Variants in TENM3 observed in about 807,000 individuals in gnomAD.
TENM3 encodes the protein teneurin transmembrane protein 3.
Under a neutral mutation model 255.1 loss-of-function variants are expected in TENM3, and 63 were observed. The ratio of observed to expected loss-of-function variants is 0.25; its 90% confidence interval spans 0.20 to 0.30. The LOEUF (loss-of-function observed/expected upper bound fraction) is 0.30. Among genes scored for constraint, TENM3 ranks in the 10% least tolerant of loss-of-function variants. The pLI, the probability that TENM3 is intolerant of heterozygous loss-of-function variation, is 1.00. For missense variants in TENM3, 2,929 were observed against 3,461.1 expected, an observed-to-expected ratio of 0.85 and a Z score of 3.86; for synonymous variants, 1,306 against 1,322.3, an observed-to-expected ratio of 0.99 and a Z score of 0.27.
At chr4:182,735,708 T>C (rs1761110685) in intron 16 of TENM3, among the ~76,000 whole-genome samples, 1 of 152,220 alleles carries the variant, frequency 6.6e-6, no homozygotes, top group Admixed American at 6.5e-5. Flanking sequence ...GCCTTGCACT[T>C]ACAGCCTATG....
the TENM3 span, among the ~76,000 whole-genome samples, chr4:181,961,160 C>A: frequency 6.6e-6 from 1 of 151,696 alleles, no homozygotes; most frequent in Non-Finnish European, 1.5e-5. Flanking sequence ...TTGCTTAAAG[C>A]TACCTGATGC....
chr4:182,327,263 A>T (rs955534), intron 2 of TENM3, among the ~76,000 whole-genome samples: 70,330 of 151,918 alleles, frequency 0.46, 16,778 homozygotes, highest in Non-Finnish European at 0.52. Flanking sequence ...AAAAATATTC[A>T]TAGTAGCCAA....
intron 3 of TENM3, among the ~76,000 whole-genome samples, chr4:182,487,310 T>C (rs1185617787): frequency 6.6e-6 from 1 of 152,220 alleles, no homozygotes; most frequent in African/African-American, 2.4e-5. Context: ...GTTACTATTA[T>C]TTTGTGTACT....
At chr4:181,910,456 T>G in the TENM3 span, among the ~76,000 whole-genome samples, 1 of 151,378 alleles carries the variant, frequency 6.6e-6, no homozygotes, top group South Asian at 2.1e-4. Context: ...GAGAATCACT[T>G]GAACCTGGGA....
At chr4:182,344,201 G>A (rs1201657139) in intron 2 of TENM3, among the ~76,000 whole-genome samples, 2 of 152,156 alleles carry the variant, frequency 1.3e-5, no homozygotes, top group Non-Finnish European at 2.9e-5. Flanking sequence ...GACTTAAACA[G>A]AGCTAGTGAG....
At chr4:182,482,106 A>G (rs1360462490) in intron 3 of TENM3, among the ~76,000 whole-genome samples, 1 of 152,192 alleles carries the variant, frequency 6.6e-6, no homozygotes, top group African/African-American at 2.4e-5. Flanking sequence ...CACCAATTAT[A>G]CATTGAATTT....
chr4:182,246,126 T>C (rs1169348543), intron 1 of TENM3, among the ~76,000 whole-genome samples: 1 of 152,114 alleles, frequency 6.6e-6, no homozygotes, highest in Non-Finnish European at 1.5e-5. Flanking sequence ...CTATGTGTTT[T>C]CCTAAGTGGC....
At chr4:182,726,581 C>T (rs776915588) in intron 13 of TENM3, among the ~76,000 whole-genome samples, 2 of 152,114 alleles carry the variant, frequency 1.3e-5, no homozygotes, top group Non-Finnish European at 2.9e-5. Context: ...TGTTAGGTCA[C>T]CTGTACATTT....
At chr4:182,359,668 C>A (rs1239502842) in intron 3 of TENM3, among the ~76,000 whole-genome samples, 1 of 144,886 alleles carries the variant, frequency 6.9e-6, no homozygotes, top group Non-Finnish European at 1.5e-5. Context: ...TTCAAAAAAC[C>A]AGCTCCTGGA....
intron 1 of TENM3, among the ~76,000 whole-genome samples, chr4:182,264,551 A>ACTGTC (rs1226487380): frequency 6.6e-6 from 1 of 152,176 alleles, no homozygotes; most frequent in Non-Finnish European, 1.5e-5. Flanking sequence ...AAAGACAGAG[A>ACTGTC]CTGTCCTGTG....
chr4:182,682,956 A>C (rs1208220588), intron 11 of TENM3, among the ~76,000 whole-genome samples: 1 of 152,218 alleles, frequency 6.6e-6, no homozygotes, highest in Non-Finnish European at 1.5e-5. Flanking sequence ...TTCAGTGGAC[A>C]TTCAGAGGAG....
the TENM3 span, among the ~76,000 whole-genome samples, chr4:181,515,827 A>C: frequency 0.72 from 109,343 of 151,942 alleles, 39,705 homozygotes; most frequent in South Asian, 0.79. Flanking sequence ...AACATTTGAT[A>C]CAGCAATCCC....
intron 6 of TENM3, among the ~76,000 whole-genome samples, chr4:182,669,313 A>T (rs1755000139): frequency 6.6e-6 from 1 of 151,962 alleles, no homozygotes; most frequent in African/African-American, 2.4e-5. Context: ...TCTGTTGCCC[A>T]GGCTGGAGTG....
At chr4:182,615,005 T>C (rs2152437384) in intron 4 of TENM3, among the ~76,000 whole-genome samples, 1 of 140,346 alleles carries the variant, frequency 7.1e-6, no homozygotes, top group Non-Finnish European at 1.5e-5. Context: ...CGAAGAAGAG[T>C]TAGGGAAAAG....
chr4:182,592,383 T>C (rs767283020), intron 3 of TENM3, among the ~76,000 whole-genome samples: 8 of 152,300 alleles, frequency 5.3e-5, no homozygotes, highest in Admixed American at 2.0e-4. Context: ...GTTTTGTCCT[T>C]GTACACTTGG....
At position 182,578,635 on chromosome 4, in the gene TENM3, C is replaced by T. The variant is rs191844640; in HGVS notation, c.512-22289C>T. On this transcript the variant is annotated intron_variant, in intron 3 of 27. Coordinates refer to ENST00000511685, the MANE Select transcript of TENM3 (RefSeq NM_001080477.4). ...TAAGAAAATAGTCATCACTTCACAG[C>T]CTGATTGCTGTCACATGGCCCTTGT... Among the ~76,000 whole-genome samples, 24 of 149,686 alleles carry T rather than the reference C, an allele frequency of 1.6e-4. No individual in the cohort carries two copies. The East Asian group carries it at 4.4e-3, about 28-fold the overall frequency.
chr4:181,602,699 T>A, the TENM3 span, among the ~76,000 whole-genome samples: 1 of 152,170 alleles, frequency 6.6e-6, no homozygotes, highest in Non-Finnish European at 1.5e-5. Context: ...CATCTAAAAC[T>A]CAGGGTGTTA....
chr4:182,330,460 C>T (rs1179674254), intron 2 of TENM3, among the ~76,000 whole-genome samples: 3 of 152,238 alleles, frequency 2.0e-5, no homozygotes, highest in Non-Finnish European at 4.4e-5. Context: ...AGGGAGGGCA[C>T]CTCTTGGATG....
At chr4:181,853,501 A>G in the TENM3 span, among the ~76,000 whole-genome samples, 1 of 152,354 alleles carries the variant, frequency 6.6e-6, no homozygotes, top group African/African-American at 2.4e-5. Context: ...ACGTTTGTTA[A>G]TTGTGTTAAT....
Sources: allele counts gnomAD v4.1 joint callset (sites outside exome capture counted in the v4.1 genomes callset), GRCh38; gene constraint gnomAD v4.1.1; transcripts MANE v1.5; gene names NCBI Gene and HGNC (gene_info 2026-07-23, HGNC 2026-07-21).